The following TLE1 variants were observed in gnomAD, a reference collection of about 807,000 sequenced individuals.
TLE1 encodes the protein transducin-like enhancer protein 1.
A neutral mutation model predicts 89.8 loss-of-function variants in TLE1; 21 were observed. The observed-to-expected ratio is 0.23, with a 90% CI of 0.17 to 0.34. The LOEUF is 0.34. TLE1 is among the 10% of genes least tolerant of loss of function. The pLI, the probability that TLE1 is intolerant of heterozygous loss-of-function variation, is 1.00. For missense variants in TLE1, 795 were observed against 1,031.2 expected (o/e 0.77, Z 3.14); for synonymous variants, 447 against 407.6 (o/e 1.10, Z -1.16).
At chr9:81,679,885 C>G (rs1168969702) in intron 4 of TLE1, among the ~76,000 whole-genome samples, 1 of 152,114 alleles carries the variant, frequency 6.6e-6, no homozygotes, top group Non-Finnish European at 1.5e-5. Flanking sequence ...AATAAAACAG[C>G]AAAGACTCAG....
intron 6 of TLE1, among the ~76,000 whole-genome samples, chr9:81,638,347 A>C (rs1827670824): frequency 6.6e-6 from 1 of 152,206 alleles, no homozygotes; most frequent in African/African-American, 2.4e-5. Flanking sequence ...CATTATAAAC[A>C]CAAAGTGTCA....
rs542467502 is a variant in TLE1 at position 81,620,245 on chromosome 9, A to G, written c.711+196T>C. Among the ~76,000 whole-genome samples the G allele has an allele frequency of 3.3e-5, 5 of 152,292 alleles. No individual in the cohort carries two copies. The South Asian group carries it at 1.0e-3, about 32-fold the overall frequency. On this transcript the variant is annotated intron_variant, in intron 9 of 19. Transcript: ENST00000376499. ...TTTGAGTAACAAAGGCAGGAAGTCT[A>G]AAGCTTAACACTGAGCCCGGCAGAA...
intron 16 of TLE1, 94 bp from the exon 17 acceptor site, chr9:81,587,922 G>GTGTGTCATCCCACC (rs1554716646): frequency 3.1e-5 from 31 of 1,014,832 alleles, no homozygotes; most frequent in Admixed American, 1.9e-4. Flanking sequence ...GTGTGTGTGT[G>GTGTGTCATCCCACC]TGTGTGTGTG....
At chr9:81,653,138 G>T (rs1417983221) in intron 5 of TLE1, among the ~76,000 whole-genome samples, 1 of 152,168 alleles carries the variant, frequency 6.6e-6, no homozygotes, top group South Asian at 2.1e-4. Context: ...CAAATCTATT[G>T]TCATATCAGA....
At chr9:81,686,063 A>AG (rs1564089097) in intron 2 of TLE1, among the ~76,000 whole-genome samples, 167 bp from the exon 3 acceptor site, 3 of 152,250 alleles carry the variant, frequency 2.0e-5, no homozygotes, top group Non-Finnish European at 4.4e-5. Context: ...GGGAAAAGGA[A>AG]TAATGTGAAC....
At chr9:81,660,976 C>CA (rs1554693432) in intron 4 of TLE1, among the ~76,000 whole-genome samples, 2 of 105,220 alleles carry the variant, frequency 1.9e-5, no homozygotes, top group South Asian at 3.3e-4. Flanking sequence ...CACACACACA[C>CA]ACATTTAGCC....
At chr9:81,648,519 G>A (rs1002698662) in intron 6 of TLE1, among the ~76,000 whole-genome samples, 3 of 152,038 alleles carry the variant, frequency 2.0e-5, no homozygotes, top group African/African-American at 7.2e-5. Context: ...ACAAATATAT[G>A]TGTGTACAGA....
chr9:81,615,903 T>A (rs1824444606), intron 11 of TLE1, 79 bp downstream of exon 11: 1 of 1,558,494 alleles, frequency 6.4e-7, no homozygotes, highest in Admixed American at 2.0e-5. Flanking sequence ...AACCCCCACA[T>A]TTCCAATACT....
At chr9:81,642,500 T>G (rs1382276833) in intron 6 of TLE1, among the ~76,000 whole-genome samples, 1 of 150,302 alleles carries the variant, frequency 6.7e-6, no homozygotes, top group Admixed American at 6.7e-5. Flanking sequence ...GAGACCAGCC[T>G]GGCCAACATG....
intron 1 of TLE1, among the ~76,000 whole-genome samples, chr9:81,687,681 G>C (rs942601092): frequency 1.3e-5 from 2 of 152,114 alleles, no homozygotes; most frequent in East Asian, 2.0e-4. Context: ...AAGTGCGCCC[G>C]GGTCACCAGG....
chr9:81,591,296 A>G (rs777539773), intron 15 of TLE1, among the ~76,000 whole-genome samples: 7 of 152,228 alleles, frequency 4.6e-5, no homozygotes, highest in Non-Finnish European at 5.9e-5. Flanking sequence ...AGCTGAAACT[A>G]TCTAGGTATG....
intron 6 of TLE1, 117 bp downstream of exon 6, chr9:81,652,097 A>C: frequency 9.7e-7 from 1 of 1,025,842 alleles, no homozygotes; most frequent in Non-Finnish European, 1.4e-6. Context: ...AAATAGGTCA[A>C]CGTTAAGATA....
At chr9:81,663,070 T>G (rs1168072460) in intron 4 of TLE1, among the ~76,000 whole-genome samples, 1 of 152,178 alleles carries the variant, frequency 6.6e-6, no homozygotes. Context: ...GGTCTCGAAC[T>G]CCTTACCTCA....
At chr9:81,663,609 C>CCTA (rs1831091161) in intron 4 of TLE1, among the ~76,000 whole-genome samples, 1 of 151,456 alleles carries the variant, frequency 6.6e-6, no homozygotes, top group African/African-American at 2.4e-5. Context: ...CAGAGGTATC[C>CCTA]GCACAGAATA....
At chr9:81,617,571 G>A (rs1181891500) in intron 9 of TLE1, among the ~76,000 whole-genome samples, 5 of 152,168 alleles carry the variant, frequency 3.3e-5, no homozygotes, top group Middle Eastern at 3.4e-3. Flanking sequence ...GCGTGGTGGC[G>A]CATGCCTGCA....
intron 13 of TLE1, among the ~76,000 whole-genome samples, chr9:81,611,498 T>G (rs982943484): frequency 4.6e-5 from 7 of 152,234 alleles, no homozygotes; most frequent in African/African-American, 1.7e-4. Flanking sequence ...CCTGAACCAC[T>G]GAAGGAGCTT....
At chr9:81,597,761 T>C (rs1830420236) in intron 14 of TLE1, among the ~76,000 whole-genome samples, 1 of 152,044 alleles carries the variant, frequency 6.6e-6, no homozygotes, top group Admixed American at 6.6e-5. Context: ...AAAAACCCAT[T>C]AAGAGCAAGG....
chr9:81,662,361 TTG>T (rs371936084), intron 4 of TLE1, among the ~76,000 whole-genome samples: 5,119 of 138,332 alleles, frequency 0.037, 118 homozygotes, highest in Middle Eastern at 0.11. Flanking sequence ...TGTGCCTGTT[TTG>T]TGTGTGTGTG....
Position 81,593,094 on chromosome 9 carries a change from C to G in TLE1, c.1512G>C (p.Lys504Asn). 3 of 1,614,176 alleles carry G rather than the reference C, an allele frequency of 1.9e-6. No homozygotes were observed. The highest frequency in any genetic ancestry group is 2.5e-6 in the Non-Finnish European group (3 of 1,180,038). ...TGATGTCCCAGACCTTGACGCAGCC[C>G]TTCCCGCCTGTGTACACGTGTCTCG... ...NPTRHVYTGG[K>N]GCVKVWDISH... is the part of the protein sequence containing the mutation. The change falls in exon 15 of 20, where the codon AAG becomes AAC. Residue 504 changes from lysine to asparagine, a missense_variant. Coordinates refer to ENST00000376499, the MANE Select transcript of TLE1 (RefSeq NM_005077.5).
Sources: gnomAD v4.1 joint callset for allele counts (sites outside exome capture counted in the v4.1 genomes callset) on GRCh38, gnomAD v4.1.1 for gene constraint, MANE v1.5 for transcripts, NCBI Gene and HGNC (gene_info 2026-07-23, HGNC 2026-07-21) for gene names.